Variants in EPB41L4B observed in about 807,000 individuals in gnomAD.
EPB41L4B encodes the protein band 4.1-like protein 4B.
A neutral mutation model predicts 112.5 loss-of-function variants in EPB41L4B; 30 were observed. That is an observed-to-expected ratio of 0.27 (90% CI 0.20 to 0.36). The LOEUF (loss-of-function observed/expected upper bound fraction) is 0.36, where lower values mean the gene tolerates loss of function less well. EPB41L4B is among the 10% of genes least tolerant of loss of function. The pLI is 1.00. For missense variants in EPB41L4B, 1,024 were observed against 1,133.3 expected (o/e 0.90, Z 1.38); for synonymous variants, 408 against 439.7 (o/e 0.93, Z 0.90).
At position 109,222,574 on chromosome 9, in the gene EPB41L4B, A is replaced by T. The variant is rs140379943; in HGVS notation, c.1410-5429T>A. Among the ~76,000 whole-genome samples, 398 of 152,328 alleles carry T rather than the reference A, an allele frequency of 2.6e-3. 1 individual carries two copies. Among genetic ancestry groups the T allele is most frequent in the Middle Eastern group, 6.8e-3 (2 of 294 alleles). ...TACTCAGAGACCTTGGCTAAGGCCCAGGAGATGAGGCCTGCTGCACACTCA... is the reference window on the plus strand; with the variant it reads ...TACTCAGAGACCTTGGCTAAGGCCCTGGAGATGAGGCCTGCTGCACACTCA... On this transcript the variant is annotated intron_variant, in intron 15 of 25. Transcript: ENST00000374566.
intron 14 of EPB41L4B, 83 bp downstream of exon 14, chr9:109,247,673 A>G: frequency 2.0e-6 from 2 of 996,000 alleles, no homozygotes; most frequent in Non-Finnish European, 1.4e-6. Flanking sequence ...TGGAAAATTT[A>G]GAAACTTTAC....
At chr9:109,308,818 C>A (rs527916527) in intron 1 of EPB41L4B, among the ~76,000 whole-genome samples, 38 of 152,162 alleles carry the variant, frequency 2.5e-4, no homozygotes, top group African/African-American at 9.2e-4. Flanking sequence ...AGACTCATGC[C>A]TGTAATCTCA....
At chr9:109,257,407 T>C (rs1227505106) in intron 7 of EPB41L4B, among the ~76,000 whole-genome samples, 3 of 152,114 alleles carry the variant, frequency 2.0e-5, no homozygotes, top group Non-Finnish European at 2.9e-5. Context: ...AGGGGATAAA[T>C]GACACTGCTG....
chr9:109,255,692 A>G lies in EPB41L4B; in HGVS notation c.1000-12T>C. 1 of 1,611,124 alleles carries G rather than the reference A, an allele frequency of 6.2e-7. No homozygotes were observed. The highest frequency in any genetic ancestry group is 8.5e-7 in the Non-Finnish European group (1 of 1,177,468). On this transcript the variant is annotated splice_polypyrimidine_tract_variant and intron_variant, in intron 10 of 25. Coordinates refer to ENST00000374566, the MANE Select transcript of EPB41L4B (RefSeq NM_019114.5). Reference sequence around the variant, plus strand: ...TCTTGCTCACGTCCCTTAAAGAGGAAGCACAAGGGCCTCGAGTGGGCGTTT... The same window carrying G: ...TCTTGCTCACGTCCCTTAAAGAGGAGGCACAAGGGCCTCGAGTGGGCGTTT...
At chr9:109,209,167 G>T (rs1464657440) in intron 17 of EPB41L4B, among the ~76,000 whole-genome samples, 4 of 152,146 alleles carry the variant, frequency 2.6e-5, no homozygotes, top group African/African-American at 9.7e-5. Context: ...TAAGTGCTAT[G>T]AAAGCTAGAG....
chr9:109,266,986 A>AAG (rs1835429082), intron 4 of EPB41L4B, among the ~76,000 whole-genome samples: 1 of 150,904 alleles, frequency 6.6e-6, no homozygotes, highest in African/African-American at 2.5e-5. Flanking sequence ...AAAAAAAAAA[A>AAG]AAAAAAAGAA....
intron 17 of EPB41L4B, among the ~76,000 whole-genome samples, chr9:109,212,623 AG>A (rs1436802650): frequency 6.6e-6 from 1 of 152,244 alleles, no homozygotes; most frequent in Non-Finnish European, 1.5e-5. Flanking sequence ...TGCTGCACAG[AG>A]CAGTTCTTCC....
Position 109,320,075 on chromosome 9 carries a change from T to C in EPB41L4B, c.306+66A>G, listed in dbSNP as rs1445382497. ...AGGGAAGCGCCCCCGATGCAAGCACTGGGGGAGGGGGAGCTGCCTCCAGGG... is the reference window on the plus strand; with the variant it reads ...AGGGAAGCGCCCCCGATGCAAGCACCGGGGGAGGGGGAGCTGCCTCCAGGG... On this transcript the variant is annotated intron_variant, in intron 1 of 25. Coordinates refer to ENST00000374566, the MANE Select transcript of EPB41L4B (RefSeq NM_019114.5). 3.9e-6 allele frequency: 5 copies of C among 1,273,090 alleles called. No homozygotes were observed. The African/African-American group carries it at 6.3e-5, about 16-fold the overall frequency. The allele number at this position is 1,273,090 out of a possible 1,614,324, so 78.9% of individuals were successfully genotyped here. A position where few individuals can be genotyped will look rare whatever the true frequency, so the allele number is the denominator to read the frequency against.
chr9:109,240,017 T>G (rs893353092), intron 15 of EPB41L4B: 4 of 985,300 alleles, frequency 4.1e-6, no homozygotes, highest in Non-Finnish European at 4.8e-6. Flanking sequence ...CATTCTAGGA[T>G]GATCTTGCTC....
At chr9:109,230,341 A>G (rs1833911831) in intron 15 of EPB41L4B, among the ~76,000 whole-genome samples, 1 of 152,182 alleles carries the variant, frequency 6.6e-6, no homozygotes, top group African/African-American at 2.4e-5. Flanking sequence ...GGAAGGAGCA[A>G]TCTAATGACA....
At chr9:109,238,748 A>T (rs1834243036) in intron 15 of EPB41L4B, among the ~76,000 whole-genome samples, 1 of 152,194 alleles carries the variant, frequency 6.6e-6, no homozygotes, top group Admixed American at 6.5e-5. Context: ...CCCTGGGAGA[A>T]GATGTCTGGG....
intron 15 of EPB41L4B, among the ~76,000 whole-genome samples, chr9:109,242,462 T>C (rs1396476948): frequency 6.6e-6 from 1 of 152,198 alleles, no homozygotes; most frequent in Non-Finnish European, 1.5e-5. Flanking sequence ...GTAAAAACAA[T>C]GTTAATTAAA....
chr9:109,316,086 C>T (rs1037975639), intron 1 of EPB41L4B, among the ~76,000 whole-genome samples: 2 of 152,210 alleles, frequency 1.3e-5, no homozygotes, highest in African/African-American at 2.4e-5. Flanking sequence ...CTCCCAACAT[C>T]CCCATTTGAA....
At chr9:109,218,123 A>ATTTT (rs769374986) in intron 15 of EPB41L4B, among the ~76,000 whole-genome samples, 7 of 79,656 alleles carry the variant, frequency 8.8e-5, no homozygotes, top group Admixed American at 4.6e-4. Context: ...AATACTAATA[A>ATTTT]TTCTTTTTTT....
intron 12 of EPB41L4B, 40 bp downstream of exon 12, chr9:109,253,401 C>A (rs766076629): frequency 4.9e-6 from 7 of 1,431,628 alleles, no homozygotes; most frequent in Non-Finnish European, 6.9e-6. Flanking sequence ...ATGACTCAAG[C>A]ATAATGTAAA....
intron 16 of EPB41L4B, among the ~76,000 whole-genome samples, chr9:109,216,626 G>A (rs1361554221): frequency 7.0e-6 from 1 of 143,712 alleles, no homozygotes; most frequent in Non-Finnish European, 1.5e-5. Flanking sequence ...GGGTGACAGA[G>A]CCAGACTCCA....
rs145156275 is a variant in EPB41L4B, at chr9:109,221,754, A to T, written c.1410-4609T>A. On this transcript the variant is annotated intron_variant, in intron 15 of 25. Transcript: ENST00000374566. ...ATCGACCATCACGTGGGTAACAAAGAGTGTGAGAATGAACACCCAAAGGGA... is the reference window on the plus strand; with the variant it reads ...ATCGACCATCACGTGGGTAACAAAGTGTGTGAGAATGAACACCCAAAGGGA... Among the ~76,000 whole-genome samples, 570 of 152,354 alleles carry T rather than the reference A, an allele frequency of 3.7e-3. 2 individuals carry two copies. Among genetic ancestry groups the T allele is most frequent in the Non-Finnish European group, 6.4e-3 (432 of 68,030 alleles).
chr9:109,184,754 G>C (rs1307032157), intron 23 of EPB41L4B, among the ~76,000 whole-genome samples: 1 of 152,174 alleles, frequency 6.6e-6, no homozygotes, highest in African/African-American at 2.4e-5. Context: ...TATAGCCTAA[G>C]AAAATAAAAT....
intron 2 of EPB41L4B, among the ~76,000 whole-genome samples, chr9:109,275,068 G>A (rs755511716): frequency 1.4e-4 from 22 of 152,204 alleles, no homozygotes; most frequent in Non-Finnish European, 2.1e-4. Context: ...GTTCCTGGAT[G>A]GCCTCCTGTT....
Sources: allele counts gnomAD v4.1 joint callset (sites outside exome capture counted in the v4.1 genomes callset), GRCh38; gene constraint gnomAD v4.1.1; transcripts MANE v1.5; gene names NCBI Gene and HGNC (gene_info 2026-07-23, HGNC 2026-07-21).